The following KAZN variants were observed in gnomAD, a reference collection of about 807,000 sequenced individuals.
KAZN encodes kazrin.
A neutral mutation model predicts 87.4 loss-of-function variants in KAZN; 40 were observed. That is an observed-to-expected ratio of 0.46 (90% CI 0.36 to 0.60). The LOEUF (loss-of-function observed/expected upper bound fraction) is 0.60. KAZN is among the 20% of genes least tolerant of loss of function. The pLI is 0.00. For missense variants in KAZN, 898 were observed against 1,073.9 expected, an observed-to-expected ratio of 0.84 and a Z score of 2.29; for synonymous variants, 466 against 458.3, an observed-to-expected ratio of 1.02 and a Z score of -0.22.
chr1:14,264,558 C>G (rs1440685118), intron 2 of KAZN, among the ~76,000 whole-genome samples: 1 of 152,188 alleles, frequency 6.6e-6, no homozygotes, highest in Non-Finnish European at 1.5e-5. Flanking sequence ...CATCCTCTCT[C>G]TCTCCCACCC....
At chr1:14,883,335 A>AGGGAGGGAGGGAGG (rs1653572056) in intron 1 of KAZN, among the ~76,000 whole-genome samples, 2 of 42,118 alleles carry the variant, frequency 4.7e-5, no homozygotes, top group Non-Finnish European at 1.1e-4. Context: ...AGAGAGAGAG[A>AGGGAGGGAGGGAGG]GAGAGAGAAA....
At chr1:14,698,007 C>T (rs141194028) in intron 1 of KAZN, among the ~76,000 whole-genome samples, 84 of 152,264 alleles carry the variant, frequency 5.5e-4, no homozygotes, top group African/African-American at 1.9e-3. Flanking sequence ...TCTCCCTTCT[C>T]GGGAGTATAA....
Position 14,872,417 on chromosome 1 carries a change from C to G in KAZN, c.227-88267C>G, listed in dbSNP as rs539361924. Reference sequence around the variant, plus strand: ...TAATTTCAATGAATTTAAATTCAAACAGCCACATATGGCTAACAGCAACCA... The same window carrying G: ...TAATTTCAATGAATTTAAATTCAAAGAGCCACATATGGCTAACAGCAACCA... On this transcript the variant is annotated intron_variant, in intron 1 of 14. Transcript: ENST00000376030. 3.3e-5 allele frequency among the ~76,000 whole-genome samples: 5 copies of G among 152,186 alleles called. No individual in the cohort carries two copies. In the East Asian group the frequency reaches 9.6e-4, roughly 29 times the overall value.
At chr1:14,862,299 G>A (rs1054299075) in intron 1 of KAZN, among the ~76,000 whole-genome samples, 1 of 152,152 alleles carries the variant, frequency 6.6e-6, no homozygotes, top group Admixed American at 6.5e-5. Context: ...CCCGTCGGCA[G>A]AAGGCCTGCT....
intron 1 of KAZN, among the ~76,000 whole-genome samples, chr1:14,960,442 G>C (rs573451422): frequency 4.6e-5 from 7 of 152,356 alleles, no homozygotes; most frequent in African/African-American, 9.6e-5. Context: ...GACAGCGGCA[G>C]TGGAGTCCTC....
chr1:15,100,693 A>G (rs1373851823), intron 10 of KAZN, among the ~76,000 whole-genome samples: 1 of 152,214 alleles, frequency 6.6e-6, no homozygotes. Context: ...CTGGCAGTGC[A>G]GTGGTAAGAG....
At chr1:14,147,929 A>G (rs1281895748) in intron 1 of KAZN, among the ~76,000 whole-genome samples, 1 of 151,980 alleles carries the variant, frequency 6.6e-6, no homozygotes, top group East Asian at 1.9e-4. Flanking sequence ...TAGTCCCTTT[A>G]AACGTAGGCA....
chr1:14,768,707 A>G (rs1052750033), intron 1 of KAZN, among the ~76,000 whole-genome samples: 4 of 152,096 alleles, frequency 2.6e-5, no homozygotes, highest in Non-Finnish European at 4.4e-5. Flanking sequence ...CAGAATACCA[A>G]CTCCAATGCC....
intron 7 of KAZN, 22 bp downstream of exon 7, chr1:15,063,644 A>G (rs376792209): frequency 1.2e-6 from 2 of 1,601,116 alleles, no homozygotes; most frequent in South Asian, 1.1e-5. Flanking sequence ...CTCCCTGGCC[A>G]CTTGAACCCT....
chr1:14,859,210 CAA>C (rs1195192834), intron 1 of KAZN, among the ~76,000 whole-genome samples: 28 of 97,362 alleles, frequency 2.9e-4, no homozygotes, highest in Admixed American at 6.6e-4. Flanking sequence ...GACCCCGTCT[CAA>C]AAAAAAAAAA....
chr1:14,186,272 C>G (rs977941161), intron 2 of KAZN, among the ~76,000 whole-genome samples: 5 of 152,048 alleles, frequency 3.3e-5, no homozygotes, highest in Non-Finnish European at 7.4e-5. Flanking sequence ...GTTCCTGTTA[C>G]AGTAAGCAGG....
chr1:15,063,270 C>T (rs1243278001), intron 6 of KAZN: 1 of 431,428 alleles, frequency 2.3e-6, no homozygotes, highest in Non-Finnish European at 4.2e-6. Flanking sequence ...AGAGGACAGA[C>T]TGGGACAGGA....
intron 1 of KAZN, among the ~76,000 whole-genome samples, chr1:14,062,964 C>A (rs1642855180): frequency 6.6e-6 from 1 of 152,106 alleles, no homozygotes; most frequent in South Asian, 2.1e-4. Flanking sequence ...TGGCTGGAAG[C>A]ATAGGAATTA....
intron 1 of KAZN, among the ~76,000 whole-genome samples, chr1:14,944,759 T>C (rs1394888162): frequency 6.6e-6 from 1 of 152,230 alleles, no homozygotes; most frequent in African/African-American, 2.4e-5. Flanking sequence ...GCTGGGATGA[T>C]AAACAGAGAA....
At chr1:14,532,021 G>A (rs1672232503) in intron 2 of KAZN, among the ~76,000 whole-genome samples, 1 of 152,082 alleles carries the variant, frequency 6.6e-6, no homozygotes, top group African/African-American at 2.4e-5. Context: ...GGTTTCACGT[G>A]CTCTTTTTTC....
chr1:14,203,239 C>T (rs539582596), intron 2 of KAZN, among the ~76,000 whole-genome samples: 10 of 151,910 alleles, frequency 6.6e-5, no homozygotes, highest in South Asian at 2.1e-4. Context: ...GAGTGGAGTG[C>T]GAGAGGAAAT....
chr1:14,710,159 G>C (rs1642410793), intron 1 of KAZN, among the ~76,000 whole-genome samples: 1 of 152,174 alleles, frequency 6.6e-6, no homozygotes, highest in Non-Finnish European at 1.5e-5. Context: ...ATGAATGCCT[G>C]ATTTACAACT....
At chr1:15,042,351 A>G (rs1673008149) in intron 3 of KAZN, among the ~76,000 whole-genome samples, 1 of 152,200 alleles carries the variant, frequency 6.6e-6, no homozygotes. Context: ...CCAGACAAAT[A>G]TCCACAAATA....
intron 1 of KAZN, among the ~76,000 whole-genome samples, chr1:13,944,548 A>G (rs557056907): frequency 1.3e-5 from 2 of 152,358 alleles, no homozygotes; most frequent in Non-Finnish European, 1.5e-5. Context: ...GTTGTTTCAA[A>G]TGTATGTAGA....
Sources: gnomAD v4.1 joint callset for allele counts (sites outside exome capture counted in the v4.1 genomes callset) on GRCh38, gnomAD v4.1.1 for gene constraint, MANE v1.5 for transcripts, NCBI Gene and HGNC (gene_info 2026-07-23, HGNC 2026-07-21) for gene names.